SKAP1: variants seen among roughly 807,000 people sequenced by gnomAD.
The protein encoded by SKAP1 is src kinase-associated phosphoprotein 1.
Under a neutral mutation model 58.5 loss-of-function variants are expected in SKAP1, and 44 were observed. The observed-to-expected ratio is 0.75, with a 90% CI of 0.59 to 0.97. SKAP1 has a LOEUF of 0.97. Among genes scored for constraint, SKAP1 ranks in the 50% least tolerant of loss-of-function variants. SKAP1 has a pLI of 0.00. For synonymous variants in SKAP1, 127 were observed against 149.7 expected, an observed-to-expected ratio of 0.85 and a Z score of 1.11; for missense variants, 390 against 435.2, an observed-to-expected ratio of 0.90 and a Z score of 0.92.
At chr17:48,220,724 A>C (rs1008589995) in intron 4 of SKAP1, among the ~76,000 whole-genome samples, 1 of 151,894 alleles carries the variant, frequency 6.6e-6, no homozygotes, top group African/African-American at 2.4e-5. Flanking sequence ...GTGGTTGCAC[A>C]TGCCTGTAAT....
intron 4 of SKAP1, among the ~76,000 whole-genome samples, chr17:48,263,524 G>A (rs1419206271): frequency 6.6e-6 from 1 of 151,968 alleles, no homozygotes; most frequent in African/African-American, 2.4e-5. Flanking sequence ...AATATTTTGG[G>A]GGCCTCTAGG....
intron 6 of SKAP1, among the ~76,000 whole-genome samples, chr17:48,187,298 G>C (rs371066719): frequency 2.6e-5 from 4 of 152,168 alleles, no homozygotes; most frequent in South Asian, 2.1e-4. Flanking sequence ...ACACTTCACT[G>C]CTGCTGTCAT....
At chr17:48,220,400 G>A (rs1337613396) in intron 4 of SKAP1, among the ~76,000 whole-genome samples, 1 of 152,062 alleles carries the variant, frequency 6.6e-6, no homozygotes, top group Non-Finnish European at 1.5e-5. Flanking sequence ...GCAAAAACAC[G>A]GACAATCCTC....
At chr17:48,420,651 C>T (rs2067782900) in intron 1 of SKAP1, among the ~76,000 whole-genome samples, 1 of 151,762 alleles carries the variant, frequency 6.6e-6, no homozygotes, top group Admixed American at 6.6e-5. Flanking sequence ...TAATGTAAAC[C>T]CTTCCTCCCC....
In SKAP1 at chr17:48,360,542, T is replaced by A. The variant is rs2066922257; in HGVS notation, c.178+3247A>T. 1.3e-5 allele frequency among the ~76,000 whole-genome samples: 2 copies of A among 152,100 alleles called. 1 individual carries two copies. Among genetic ancestry groups the A allele is most frequent in the South Asian group, 4.1e-4 (2 of 4,824 alleles). ...TTCTTTGTAACTTTAAGTAAAAAAT[T>A]AAGTAGAAATTTTTTTTGAGTAAGC... On this transcript the variant is annotated intron_variant, in intron 3 of 12. Transcript: ENST00000336915.
chr17:48,391,094 AACAAC>A (rs1343997092), intron 2 of SKAP1, among the ~76,000 whole-genome samples: 2 of 151,834 alleles, frequency 1.3e-5, no homozygotes, highest in African/African-American at 2.4e-5. Flanking sequence ...CTAACTAACT[AACAAC>A]AACAACAACA....
the SKAP1 span, among the ~76,000 whole-genome samples, chr17:48,438,343 C>A: frequency 2.0e-5 from 3 of 152,194 alleles, no homozygotes; most frequent in African/African-American, 7.2e-5. Flanking sequence ...GCATTCCCTG[C>A]AAAAACTAGC....
intron 11 of SKAP1, among the ~76,000 whole-genome samples, chr17:48,147,825 A>C (rs967284389): frequency 3.3e-5 from 5 of 152,086 alleles, no homozygotes; most frequent in Non-Finnish European, 5.9e-5. Context: ...TGAATCATTA[A>C]ATTTGCCTCA....
At chr17:48,394,117 G>T (rs1374443302) in intron 2 of SKAP1, among the ~76,000 whole-genome samples, 1 of 152,034 alleles carries the variant, frequency 6.6e-6, no homozygotes, top group African/African-American at 2.4e-5. Context: ...CAGCTACTCA[G>T]GAGGCTGAGG....
intron 1 of SKAP1, among the ~76,000 whole-genome samples, chr17:48,417,875 T>C (rs574994359): frequency 2.6e-5 from 4 of 152,188 alleles, no homozygotes; most frequent in South Asian, 2.1e-4. Flanking sequence ...AATAGGACAA[T>C]TGCTAAATAA....
intron 4 of SKAP1, among the ~76,000 whole-genome samples, chr17:48,307,057 G>A (rs2066152011): frequency 6.6e-6 from 1 of 152,152 alleles, no homozygotes; most frequent in Non-Finnish European, 1.5e-5. Flanking sequence ...CATACCTATA[G>A]CAACATTACT....
intron 4 of SKAP1, among the ~76,000 whole-genome samples, chr17:48,329,202 AG>A (rs1212901360): frequency 7.2e-4 from 110 of 152,296 alleles, no homozygotes; most frequent in African/African-American, 2.4e-3. Flanking sequence ...GTAGTGGGAA[AG>A]GTATGAATTT....
chr17:48,228,205 G>T (rs978557217), intron 4 of SKAP1, among the ~76,000 whole-genome samples: 3 of 151,492 alleles, frequency 2.0e-5, no homozygotes, highest in African/African-American at 7.3e-5. Flanking sequence ...AAGAGAGATA[G>T]AGAGATAGAG....
intron 4 of SKAP1, among the ~76,000 whole-genome samples, chr17:48,205,037 T>TTCTTTTTCTTTCTTTCTTTC (rs1567820039): frequency 3.6e-5 from 2 of 55,746 alleles, no homozygotes; most frequent in Non-Finnish European, 7.9e-5. Flanking sequence ...CTTTCTTTCT[T>TTCTTTTTCTTTCTTTCTTTC]TCTCTCTCTC....
chr17:48,190,167 C>A (rs998251878), intron 4 of SKAP1, among the ~76,000 whole-genome samples: 1 of 148,778 alleles, frequency 6.7e-6, no homozygotes, highest in Non-Finnish European at 1.5e-5. Flanking sequence ...AGTGCAGTGG[C>A]GCGATCTTGG....
rs190464440 is a variant in SKAP1, at chr17:48,251,848, G to A, written c.281-62348C>T. On this transcript the variant is annotated intron_variant, in intron 4 of 12. Transcript: ENST00000336915. Reference sequence around the variant, plus strand: ...AAATCAGGCATGGAGAAGTTACAAAGGTTTCAAAGTCGAATATGCATAGAA... The same window carrying A: ...AAATCAGGCATGGAGAAGTTACAAAAGTTTCAAAGTCGAATATGCATAGAA... Among the ~76,000 whole-genome samples the A allele has an allele frequency of 1.4e-4, 22 of 152,122 alleles. No homozygotes were observed. In the Middle Eastern group the frequency reaches 0.01, roughly 71 times the overall value.
chr17:48,379,247 T>C (rs1025588187), intron 2 of SKAP1, among the ~76,000 whole-genome samples: 1 of 152,206 alleles, frequency 6.6e-6, no homozygotes, highest in Non-Finnish European at 1.5e-5. Flanking sequence ...GAATCCAATA[T>C]ATAAATACAA....
intron 1 of SKAP1, among the ~76,000 whole-genome samples, chr17:48,399,015 G>A (rs1342930570): frequency 4.6e-5 from 7 of 151,764 alleles, no homozygotes; most frequent in African/African-American, 4.8e-5. Flanking sequence ...GCAAGACTCC[G>A]TCTCAAAAAG....
chr17:48,217,042 CCT>C (rs1220770372), intron 4 of SKAP1, among the ~76,000 whole-genome samples: 1 of 151,874 alleles, frequency 6.6e-6, no homozygotes, highest in East Asian at 1.9e-4. Flanking sequence ...CTCAGGTAAG[CCT>C]CTCTCTTATC....
Sources: gnomAD v4.1 joint callset for allele counts (sites outside exome capture counted in the v4.1 genomes callset) on GRCh38, gnomAD v4.1.1 for gene constraint, MANE v1.5 for transcripts, NCBI Gene and HGNC (gene_info 2026-07-23, HGNC 2026-07-21) for gene names.